The following TASP1 variants were observed in gnomAD, a reference collection of about 807,000 sequenced individuals.
TASP1 encodes threonine aspartase 1.
A neutral mutation model predicts 56.6 loss-of-function variants in TASP1; 16 were observed. The observed-to-expected ratio is 0.28, with a 90% CI of 0.19 to 0.43. The LOEUF is 0.43. TASP1 is among the 20% of genes least tolerant of loss of function. The probability of loss-of-function intolerance (pLI) is 1.00; values close to 1 mark genes in which losing one functional copy is unlikely to be tolerated. For missense variants in TASP1, 393 were observed against 511.6 expected, an observed-to-expected ratio of 0.77 and a Z score of 2.24; for synonymous variants, 179 against 184.2, an observed-to-expected ratio of 0.97 and a Z score of 0.23.
At chr20:13,341,637 G>T in the TASP1 span, among the ~76,000 whole-genome samples, 7 of 152,186 alleles carry the variant, frequency 4.6e-5, no homozygotes, top group African/African-American at 1.7e-4. Flanking sequence ...TTGTAATGTG[G>T]CCTTATCTTG....
the TASP1 span, among the ~76,000 whole-genome samples, chr20:13,376,251 A>G: frequency 6.6e-6 from 1 of 152,278 alleles, no homozygotes; most frequent in Admixed American, 6.5e-5. Context: ...TTAATTTTTT[A>G]TAAGGTGTAA....
At position 13,535,019 on chromosome 20, in the gene TASP1, A is replaced by G. The variant is rs1568555627; in HGVS notation, c.676-878T>C. ...CATGGTGGTGTTCTTATGCTAGGGC[A>G]TTGGTTTTCAAACCTTGCCCTACAA... On this transcript the variant is annotated intron_variant, in intron 8 of 13. Coordinates refer to ENST00000337743, the MANE Select transcript of TASP1 (RefSeq NM_017714.3). 2.0e-5 allele frequency among the ~76,000 whole-genome samples: 3 copies of G among 152,234 alleles called. No homozygotes were observed. In the South Asian group the frequency reaches 6.2e-4, roughly 32 times the overall value.
the TASP1 span, among the ~76,000 whole-genome samples, chr20:13,312,932 C>T: frequency 1.3e-5 from 2 of 152,154 alleles, no homozygotes; most frequent in Admixed American, 6.5e-5. Context: ...TCTTTTGTTC[C>T]CTCTGCTTCA....
intron 13 of TASP1, among the ~76,000 whole-genome samples, chr20:13,391,583 G>A (rs1340415510): frequency 7.0e-6 from 1 of 143,812 alleles, no homozygotes; most frequent in Non-Finnish European, 1.5e-5. Context: ...GCTTCCTGTG[G>A]AGATCTCAAT....
At chr20:13,201,159 G>A in the TASP1 span, among the ~76,000 whole-genome samples, 4 of 152,192 alleles carry the variant, frequency 2.6e-5, no homozygotes, top group Admixed American at 2.0e-4. Flanking sequence ...GTTTCAAAGT[G>A]GGAGTGATGT....
chr20:13,538,672 C>T (rs537733656), intron 8 of TASP1, among the ~76,000 whole-genome samples: 4 of 152,300 alleles, frequency 2.6e-5, no homozygotes, highest in African/African-American at 9.6e-5. Flanking sequence ...AGACCTAGCT[C>T]TATATCTCTC....
the TASP1 span, among the ~76,000 whole-genome samples, chr20:13,143,864 T>C: frequency 4.6e-5 from 7 of 152,226 alleles, no homozygotes; most frequent in African/African-American, 1.7e-4. Context: ...ATTGGAACAG[T>C]TGTCGACACA....
chr20:13,575,777 T>G (rs1399612067), intron 6 of TASP1, among the ~76,000 whole-genome samples: 1 of 152,178 alleles, frequency 6.6e-6, no homozygotes, highest in Non-Finnish European at 1.5e-5. Flanking sequence ...AAGGGAATGA[T>G]GTCCACTCTC....
the TASP1 span, among the ~76,000 whole-genome samples, chr20:13,163,205 T>C: frequency 6.6e-6 from 1 of 151,698 alleles, no homozygotes; most frequent in Non-Finnish European, 1.5e-5. Flanking sequence ...CCATCTCTAC[T>C]AAAAATACAA....
At chr20:13,236,651 CT>C in the TASP1 span, among the ~76,000 whole-genome samples, 1 of 152,210 alleles carries the variant, frequency 6.6e-6, no homozygotes, top group Admixed American at 6.5e-5. Flanking sequence ...AAGCTAGTTA[CT>C]TCCTAGATAC....
At chr20:13,470,217 G>A (rs112430061) in intron 11 of TASP1, among the ~76,000 whole-genome samples, 5,683 of 151,944 alleles carry the variant, frequency 0.037, 134 homozygotes, top group African/African-American at 0.058. Flanking sequence ...AGCTTTCTGC[G>A]TCTTGTTTTA....
chr20:13,563,815 T>C (rs751765582), intron 7 of TASP1, among the ~76,000 whole-genome samples: 4 of 151,992 alleles, frequency 2.6e-5, no homozygotes, highest in African/African-American at 9.7e-5. Context: ...TGATCATAAA[T>C]TGATGCACAA....
chr20:13,332,761 G>A, the TASP1 span, among the ~76,000 whole-genome samples: 14 of 152,308 alleles, frequency 9.2e-5, no homozygotes, highest in African/African-American at 3.4e-4. Flanking sequence ...GCTAACATAG[G>A]CTATGATAAG....
intron 4 of TASP1, among the ~76,000 whole-genome samples, chr20:13,604,987 C>CATATATATATATAT (rs3042652): frequency 2.1e-5 from 3 of 140,492 alleles, no homozygotes; most frequent in Admixed American, 7.2e-5. Flanking sequence ...AGACATAATA[C>CATATATATATATAT]ATATATATAT....
chr20:13,374,887 T>G, the TASP1 span, among the ~76,000 whole-genome samples: 1 of 152,176 alleles, frequency 6.6e-6, no homozygotes, highest in African/African-American at 2.4e-5. Flanking sequence ...ATTAAAATAA[T>G]TTTAGCAGTT....
At chr20:13,159,712 C>T in the TASP1 span, among the ~76,000 whole-genome samples, 1 of 152,200 alleles carries the variant, frequency 6.6e-6, no homozygotes, top group Non-Finnish European at 1.5e-5. Flanking sequence ...TAAACATCAG[C>T]ATTTTCTGCT....
intron 4 of TASP1, among the ~76,000 whole-genome samples, chr20:13,600,833 T>C (rs2047928996): frequency 6.6e-6 from 1 of 152,186 alleles, no homozygotes; most frequent in African/African-American, 2.4e-5. Context: ...ATGTATATCC[T>C]TGCTCTGTCA....
intron 12 of TASP1, among the ~76,000 whole-genome samples, chr20:13,431,213 G>C (rs1196150968): frequency 6.6e-6 from 1 of 151,994 alleles, no homozygotes; most frequent in Non-Finnish European, 1.5e-5. Flanking sequence ...AAATTACTGA[G>C]CTCCAGAAGC....
At chr20:13,413,865 A>G (rs2042168448) in intron 13 of TASP1, among the ~76,000 whole-genome samples, 1 of 152,152 alleles carries the variant, frequency 6.6e-6, no homozygotes, top group African/African-American at 2.4e-5. Context: ...TCATCCACAT[A>G]ATATATTTTT....
Sources: allele counts gnomAD v4.1 joint callset (sites outside exome capture counted in the v4.1 genomes callset), GRCh38; gene constraint gnomAD v4.1.1; transcripts MANE v1.5; gene names NCBI Gene and HGNC (gene_info 2026-07-23, HGNC 2026-07-21).